MYO1E: variants seen among roughly 807,000 people sequenced by gnomAD.
The protein encoded by MYO1E is unconventional myosin-Ie.
MYO1E carries 68 observed loss-of-function variants against 151.1 expected under a neutral mutation model. The ratio of observed to expected loss-of-function variants is 0.45; its 90% CI spans 0.37 to 0.55. MYO1E has a LOEUF of 0.55. Among genes scored for constraint, MYO1E ranks in the 20% least tolerant of loss-of-function variants. The pLI, the probability that MYO1E is intolerant of heterozygous loss-of-function variation, is 0.00. For missense variants in MYO1E, 1,363 were observed against 1,389.3 expected (o/e 0.98, Z 0.30); for synonymous variants, 601 against 501.7 (o/e 1.20, Z -2.64).
At chr15:59,253,574 T>C (rs1198118211) in intron 4 of MYO1E, among the ~76,000 whole-genome samples, 1 of 147,682 alleles carries the variant, frequency 6.8e-6, no homozygotes, top group Non-Finnish European at 1.5e-5. Flanking sequence ...CTCTGCTTCC[T>C]GGGTTCAAGC....
chr15:59,239,183 G>A (rs879886675), intron 4 of MYO1E, among the ~76,000 whole-genome samples: 1 of 150,514 alleles, frequency 6.6e-6, no homozygotes, highest in Admixed American at 6.6e-5. Flanking sequence ...TCCATCCTGG[G>A]CAACAAGAAT....
intron 1 of MYO1E, among the ~76,000 whole-genome samples, chr15:59,357,995 T>G (rs1254227433): frequency 6.6e-6 from 1 of 152,112 alleles, no homozygotes; most frequent in Non-Finnish European, 1.5e-5. Flanking sequence ...ATGTCACAAT[T>G]CACTACATCT....
Position 59,161,236 on chromosome 15 carries a change from A to G in MYO1E, c.2628-6T>C, listed in dbSNP as rs2079536647. On this transcript the variant is annotated splice_region_variant and splice_polypyrimidine_tract_variant and intron_variant, in intron 23 of 27. Transcript: ENST00000288235. ...TTTTCAACTTCAGTTCAAGCCTGCA[A>G]AAAGCACAGTGGGGTTAACAGGTCG... The G allele has an allele frequency of 1.2e-6, 2 of 1,613,612 alleles. No homozygotes were observed. The highest frequency in any genetic ancestry group is 1.7e-6 in the Non-Finnish European group (2 of 1,179,732).
intron 18 of MYO1E, among the ~76,000 whole-genome samples, chr15:59,183,774 ACTCATT>A (rs1329407249): frequency 1.3e-5 from 2 of 151,996 alleles, no homozygotes; most frequent in East Asian, 3.9e-4. Flanking sequence ...ACTAGGTCTT[ACTCATT>A]CTTTCTATTT....
chr15:59,337,448 T>C (rs61228414), intron 1 of MYO1E, among the ~76,000 whole-genome samples: 4,519 of 152,322 alleles, frequency 0.03, 222 homozygotes, highest in African/African-American at 0.1. Flanking sequence ...CATGGTTTTA[T>C]TCTGTTCTAC....
At chr15:59,364,188 C>T (rs1324247848) in intron 1 of MYO1E, among the ~76,000 whole-genome samples, 1 of 152,214 alleles carries the variant, frequency 6.6e-6, no homozygotes, top group African/African-American at 2.4e-5. Context: ...GGTAAGACCA[C>T]TCATATTTGC....
intron 1 of MYO1E, among the ~76,000 whole-genome samples, chr15:59,284,629 A>C (rs2080376599): frequency 1.5e-5 from 2 of 132,330 alleles, no homozygotes. Flanking sequence ...TTCTCTACCA[A>C]AAAAAAAAAA....
intron 1 of MYO1E, among the ~76,000 whole-genome samples, chr15:59,351,120 C>T (rs1432576534): frequency 2.0e-5 from 3 of 152,106 alleles, no homozygotes; most frequent in South Asian, 2.1e-4. Flanking sequence ...AGGATGGTCT[C>T]GATCTCCCGA....
chr15:59,232,681 TACTG>T (rs2080035575), intron 5 of MYO1E, among the ~76,000 whole-genome samples: 2 of 152,266 alleles, frequency 1.3e-5, no homozygotes, highest in African/African-American at 2.4e-5. Context: ...GCTCTTTAGC[TACTG>T]ACTAATTCCA....
intron 19 of MYO1E, among the ~76,000 whole-genome samples, chr15:59,175,943 C>T (rs1397103405): frequency 6.6e-6 from 1 of 152,082 alleles, no homozygotes; most frequent in African/African-American, 2.4e-5. Context: ...CAAACCAAAC[C>T]AAAAAACAAC....
chr15:59,290,513 T>G (rs1050341789), intron 1 of MYO1E, among the ~76,000 whole-genome samples: 1 of 152,184 alleles, frequency 6.6e-6, no homozygotes, highest in Non-Finnish European at 1.5e-5. Flanking sequence ...CCTTGTCTCC[T>G]TGAAAGCATG....
rs766124467 is a variant in MYO1E at position 59,223,082 on chromosome 15, T to A, written c.887A>T (p.Tyr296Phe). 1 of 1,614,116 alleles carries A rather than the reference T, an allele frequency of 6.2e-7. No individual in the cohort carries two copies. Among genetic ancestry groups the A allele is most frequent in the Admixed American group, 1.7e-5 (1 of 60,028 alleles). ...GNISFKEVGN[Y>F]AAVESEEFLA... ...ACACTCTTCACTCTCCACAGCCGCG[T>A]AGTTGCCAACTTCTTTGAAGCTGAT... Residue 296 changes from tyrosine to phenylalanine, a missense_variant, in exon 9 of 28, where the codon TAC becomes TTC. Tyr to Phe is a conservative substitution (Grantham distance 22, BLOSUM62 3). Coordinates refer to ENST00000288235, the MANE Select transcript of MYO1E (RefSeq NM_004998.4).
At chr15:59,139,535 T>C (rs113869866) in intron 26 of MYO1E, among the ~76,000 whole-genome samples, 5 of 145,536 alleles carry the variant, frequency 3.4e-5, no homozygotes, top group African/African-American at 1.3e-4. Flanking sequence ...TACCCCCTCA[T>C]TATTACTCCT....
At chr15:59,241,854 G>A (rs1469471613) in intron 4 of MYO1E, among the ~76,000 whole-genome samples, 3 of 152,076 alleles carry the variant, frequency 2.0e-5, no homozygotes, top group Non-Finnish European at 4.4e-5. Context: ...AGGAGGTTGA[G>A]GCTGCAGTGA....
intron 1 of MYO1E, among the ~76,000 whole-genome samples, chr15:59,338,246 AT>A (rs1341891118): frequency 3.4e-5 from 5 of 146,044 alleles, no homozygotes; most frequent in East Asian, 2.0e-4. Flanking sequence ...CATTAATATA[AT>A]TTTTTATAAT....
At chr15:59,147,339 C>G (rs1204665411) in intron 26 of MYO1E, among the ~76,000 whole-genome samples, 2 of 152,116 alleles carry the variant, frequency 1.3e-5, no homozygotes, top group East Asian at 3.9e-4. Context: ...GTGACTCATG[C>G]CTGTAATCCC....
intron 1 of MYO1E, among the ~76,000 whole-genome samples, chr15:59,282,960 GAGGGGAAAGGGGAA>G (rs1309776202): frequency 1.5e-3 from 19 of 12,980 alleles, no homozygotes; most frequent in African/African-American, 5.2e-3. Flanking sequence ...GGGGAGAGGG[GAGGGGAAAGGGGAA>G]AGGGGAAAGG....
intron 4 of MYO1E, among the ~76,000 whole-genome samples, chr15:59,246,128 T>A (rs1422361027): frequency 6.6e-6 from 1 of 152,186 alleles, no homozygotes. Context: ...AATCTTTTTT[T>A]ATTTTTTGAG....
intron 1 of MYO1E, among the ~76,000 whole-genome samples, chr15:59,284,763 C>T (rs555269821): frequency 2.6e-4 from 40 of 152,080 alleles, no homozygotes; most frequent in African/African-American, 9.6e-4. Flanking sequence ...GTGTAAGCCA[C>T]CGTGCCCAGC....
Sources: allele counts gnomAD v4.1 joint callset (sites outside exome capture counted in the v4.1 genomes callset), GRCh38; gene constraint gnomAD v4.1.1; transcripts MANE v1.5; gene names NCBI Gene and HGNC (gene_info 2026-07-23, HGNC 2026-07-21).